TMEM131: variants seen among roughly 807,000 people sequenced by gnomAD.
The protein encoded by TMEM131 is 2610524E03Rik.
In TMEM131, 66 loss-of-function variants were observed where a neutral mutation model predicts 211.6. The observed-to-expected ratio is 0.31, with a 90% CI of 0.26 to 0.38. The LOEUF (loss-of-function observed/expected upper bound fraction) is 0.38, where lower values mean the gene tolerates loss of function less well. Ranked by LOEUF, TMEM131 falls within the 10% of genes least tolerant of loss-of-function variation. TMEM131 has a pLI of 1.00. For missense variants in TMEM131, 2,036 were observed against 2,299.3 expected, an observed-to-expected ratio of 0.89 and a Z score of 2.34; for synonymous variants, 844 against 841.3, an observed-to-expected ratio of 1.00 and a Z score of -0.06.
intron 4 of TMEM131, among the ~76,000 whole-genome samples, chr2:97,882,325 T>A (rs1470649618): frequency 6.6e-6 from 1 of 152,250 alleles, no homozygotes; most frequent in Non-Finnish European, 1.5e-5. Flanking sequence ...TTTTGTAGCA[T>A]AATATACCTT....
intron 19 of TMEM131, among the ~76,000 whole-genome samples, chr2:97,807,664 GT>G (rs1239909715): frequency 3.9e-5 from 6 of 152,146 alleles, no homozygotes; most frequent in Non-Finnish European, 8.8e-5. Context: ...CCAACATCTT[GT>G]TTTTATACAC....
At chr2:97,903,989 C>T (rs1022718181) in intron 3 of TMEM131, among the ~76,000 whole-genome samples, 3 of 152,072 alleles carry the variant, frequency 2.0e-5, no homozygotes, top group African/African-American at 7.2e-5. Flanking sequence ...ATAAAATAAA[C>T]AGCATCTACT....
intron 5 of TMEM131, among the ~76,000 whole-genome samples, chr2:97,849,553 T>C (rs2105133826): frequency 6.6e-6 from 1 of 152,236 alleles, no homozygotes; most frequent in African/African-American, 2.4e-5. Context: ...GTTGATTATA[T>C]GACCTTATGG....
At chr2:97,952,777 G>A (rs949071870) in intron 1 of TMEM131, among the ~76,000 whole-genome samples, 9 of 152,134 alleles carry the variant, frequency 5.9e-5, no homozygotes, top group African/African-American at 1.9e-4. Flanking sequence ...TACTCAGGAG[G>A]CTGAGGTGGG....
chr2:97,887,975 C>CAA, intron 4 of TMEM131, 77 bp downstream of exon 4: 2 of 1,183,406 alleles, frequency 1.7e-6, no homozygotes, highest in Non-Finnish European at 2.5e-6. Flanking sequence ...GTAACACAGG[C>CAA]AAAAGACAAG....
intron 1 of TMEM131, among the ~76,000 whole-genome samples, chr2:97,958,227 C>T (rs578258457): frequency 6.6e-6 from 1 of 152,302 alleles, no homozygotes; most frequent in African/African-American, 2.4e-5. Flanking sequence ...ACACCAAACC[C>T]TGGAAGTTGT....
chr2:97,793,096 A>G (rs1680582081), intron 30 of TMEM131, 112 bp from the exon 31 acceptor site: 3 of 785,474 alleles, frequency 3.8e-6, no homozygotes, highest in Non-Finnish European at 5.8e-6. Context: ...TACACTAGGG[A>G]AAAAATAGCA....
intron 1 of TMEM131, among the ~76,000 whole-genome samples, chr2:97,969,915 A>C (rs1006915211): frequency 6.6e-6 from 1 of 152,214 alleles, no homozygotes; most frequent in Admixed American, 6.5e-5. Context: ...GATCTGTCTG[A>C]TGTGGAGTTG....
At position 97,844,237 on chromosome 2, in the gene TMEM131, A is replaced by G; in HGVS notation, c.508T>C (p.Ser170Pro). Residue 170 changes from serine to proline, a missense_variant, in exon 6 of 41, where the codon TCA becomes CCA. Ser to Pro is a moderately conservative substitution (Grantham distance 74). Coordinates refer to ENST00000186436, the MANE Select transcript of TMEM131 (RefSeq NM_015348.2). ...NRKILPGGNT[S>P]FDVVFLARVV... ...CTTGCAAGAAAAACTACATCAAATG[A>G]TGTATTTCCTCCTGGAAGAATTTTC... 7.6e-7 allele frequency: 1 copy of G among 1,322,174 alleles called. No individual in the cohort carries two copies. Among genetic ancestry groups the G allele is most frequent in the Non-Finnish European group, 9.9e-7 (1 of 1,006,190 alleles). 81.9% of individuals were successfully genotyped at this position (1,322,174 alleles called of 1,614,324 possible).
At chr2:97,769,960 G>A (rs1272476580) in intron 33 of TMEM131, among the ~76,000 whole-genome samples, 1 of 152,154 alleles carries the variant, frequency 6.6e-6, no homozygotes, top group Non-Finnish European at 1.5e-5. Flanking sequence ...TGGATGGATG[G>A]GGCTGAGCCA....
rs143189667 is a variant in TMEM131 at position 97,930,978 on chromosome 2, G to C, written c.188-3491C>G. On this transcript the variant is annotated intron_variant, in intron 1 of 40. Coordinates refer to ENST00000186436, the MANE Select transcript of TMEM131 (RefSeq NM_015348.2). ...ATTTTAAGGTAAAGAAATACACACA[G>C]AGAGATATACTTAGCAAGAAAGTGG... 2.2e-3 allele frequency among the ~76,000 whole-genome samples: 337 copies of C among 151,912 alleles called. 4 individuals are homozygous for C. Among genetic ancestry groups the C allele is most frequent in the South Asian group, 9.7e-3 (47 of 4,826 alleles).
intron 5 of TMEM131, among the ~76,000 whole-genome samples, chr2:97,845,739 A>G (rs1254052599): frequency 6.7e-6 from 1 of 149,784 alleles, no homozygotes; most frequent in Non-Finnish European, 1.5e-5. Context: ...AAAATTAATG[A>G]AATAGAAAAC....
intron 1 of TMEM131, among the ~76,000 whole-genome samples, chr2:97,979,801 C>T (rs1679706105): frequency 6.6e-6 from 1 of 152,202 alleles, no homozygotes; most frequent in South Asian, 2.1e-4. Flanking sequence ...CTTTTAACTT[C>T]CTTAAAGAAC....
At chr2:97,929,884 A>G (rs778706357) in intron 1 of TMEM131, among the ~76,000 whole-genome samples, 41 of 151,806 alleles carry the variant, frequency 2.7e-4, no homozygotes, top group Non-Finnish European at 2.4e-4. Context: ...TGGAATTTCA[A>G]TATCAAGATC....
At chr2:97,947,922 T>G (rs1678119569) in intron 1 of TMEM131, among the ~76,000 whole-genome samples, 1 of 152,108 alleles carries the variant, frequency 6.6e-6, no homozygotes, top group African/African-American at 2.4e-5. Flanking sequence ...CCAAGGCAAT[T>G]CAATTGGGGA....
intron 17 of TMEM131, 125 bp downstream of exon 17, chr2:97,812,296 G>T: frequency 4.6e-6 from 5 of 1,096,476 alleles, no homozygotes; most frequent in Middle Eastern, 4.7e-4. Flanking sequence ...CCTTTTAATA[G>T]CAAGTAACCA....
chr2:97,944,926 G>A (rs567379957), intron 1 of TMEM131, among the ~76,000 whole-genome samples: 114 of 152,108 alleles, frequency 7.5e-4, no homozygotes, highest in African/African-American at 2.3e-3. Flanking sequence ...TAAATATAAA[G>A]TTACCATACA....
In TMEM131 at chr2:97,760,622, G is replaced by A. The variant is rs200856301; in HGVS notation, c.5079C>T (p.His1693=). 23 of 1,612,676 alleles carry A rather than the reference G, an allele frequency of 1.4e-5. No individual in the cohort carries two copies. Among genetic ancestry groups the A allele is most frequent in the Admixed American group, 6.7e-5 (4 of 59,836 alleles). The change falls in exon 38 of 41, where the codon CAC becomes CAT. Residue 1693 remains histidine, a synonymous_variant. Coordinates refer to ENST00000186436, the MANE Select transcript of TMEM131 (RefSeq NM_015348.2). ...TGFSSSLGIS[H]APVDSDGSDS... The stretch of plus-strand genomic sequence containing the variant: ...CTGAGCCATCGCTGTCAACAGGAGC[G>A]TGTGAAATGCCAAGGCTGCTGGAGA...
chr2:97,884,441 G>C (rs75965945), intron 4 of TMEM131, among the ~76,000 whole-genome samples: 3,152 of 152,260 alleles, frequency 0.021, 56 homozygotes, highest in South Asian at 0.072. Flanking sequence ...GGTCCATTTA[G>C]TTGATGGTGT....
Sources: allele counts gnomAD v4.1 joint callset (sites outside exome capture counted in the v4.1 genomes callset), GRCh38; gene constraint gnomAD v4.1.1; transcripts MANE v1.5; gene names NCBI Gene and HGNC (gene_info 2026-07-23, HGNC 2026-07-21).